Variants in BCL11A observed in about 807,000 individuals in gnomAD.
The protein encoded by BCL11A is B cell CLL/lymphoma 11A.
A neutral mutation model predicts 55.9 loss-of-function variants in BCL11A; 2 were observed. That is an observed-to-expected ratio of 0.04 (90% CI 0.01 to 0.11). BCL11A has a LOEUF of 0.11. Ranked by LOEUF, BCL11A falls within the 10% of genes least tolerant of loss-of-function variation. BCL11A has a pLI of 1.00. For missense variants in BCL11A, 817 were observed against 1,137.1 expected, an observed-to-expected ratio of 0.72 and a Z score of 4.05; for synonymous variants, 465 against 473.4, an observed-to-expected ratio of 0.98 and a Z score of 0.23.
rs550693182 is a variant in BCL11A, at chr2:60,457,954, T to C, written c.*2450A>G. On this transcript the variant is annotated 3_prime_UTR_variant, in exon 4 of 4. Transcript: ENST00000642384. Reference sequence around the variant, plus strand: ...ATGTCACACTTTTTTGTTTCTCTCTTTTTTTTTTTTTTGAAGCATACAAAT... The same window carrying C: ...ATGTCACACTTTTTTGTTTCTCTCTCTTTTTTTTTTTTGAAGCATACAAAT... The C allele has an allele frequency of 5.0e-4, 290 of 574,808 alleles. No individual in the cohort carries two copies. The Middle Eastern group carries it at 5.9e-3, about 12-fold the overall frequency. The allele number at this position is 574,808 out of a possible 1,614,324, so 35.6% of individuals were successfully genotyped here. A position where few individuals can be genotyped will look rare whatever the true frequency, so the allele number is the denominator to read the frequency against.
chr2:60,461,900 G>T lies in BCL11A; in HGVS notation c.1012C>A (p.Pro338Thr). 2 of 1,614,158 alleles carry T rather than the reference G, an allele frequency of 1.2e-6. No homozygotes were observed. The highest frequency in any genetic ancestry group is 1.7e-6 in the Non-Finnish European group (2 of 1,180,006). Reference sequence around the variant, plus strand: ...AATGGTTGCAGTAACCTTTGCATAGGGCTGGGCCGGCCTGGGGACAGCGGT... The same window carrying T: ...AATGGTTGCAGTAACCTTTGCATAGTGCTGGGCCGGCCTGGGGACAGCGGT... Reference protein sequence around the residue: ...SPPLSPGRPSPMQRLLQPFQP... With the variant: ...SPPLSPGRPSTMQRLLQPFQP... The change falls in exon 4 of 4, where the codon CCT becomes ACT. Residue 338 changes from proline (P) to threonine (T), a missense_variant. Physicochemically the swap from Pro to Thr is conservative, Grantham distance 38 (BLOSUM62 -1). Coordinates refer to ENST00000642384, the MANE Select transcript of BCL11A (RefSeq NM_022893.4).
chr2:60,485,688 G>A (rs915779980), intron 2 of BCL11A, among the ~76,000 whole-genome samples: 3 of 152,186 alleles, frequency 2.0e-5, no homozygotes, highest in Non-Finnish European at 4.4e-5. Flanking sequence ...TTGCTATTCT[G>A]GGGTGAGAAG....
At position 60,457,965 on chromosome 2, in the gene BCL11A, TTG is replaced by T; in HGVS notation, c.*2437_*2438del. Reference sequence around the variant, plus strand: ...TTTTGTTTCTCTCTTTTTTTTTTTTTTGAAGCATACAAATAATTTGCACTATA... The same window carrying T: ...TTTTGTTTCTCTCTTTTTTTTTTTTTAAGCATACAAATAATTTGCACTATA... On this transcript the variant is annotated 3_prime_UTR_variant, in exon 4 of 4. Coordinates refer to ENST00000642384, the MANE Select transcript of BCL11A (RefSeq NM_022893.4). 9.6e-7 allele frequency: 1 copy of T among 1,037,748 alleles called. No individual in the cohort carries two copies. Among genetic ancestry groups the T allele is most frequent in the Non-Finnish European group, 1.2e-6 (1 of 861,376 alleles). 64.3% of individuals were successfully genotyped at this position (1,037,748 alleles called of 1,614,324 possible).
chr2:60,526,900 G>C (rs888424313), intron 2 of BCL11A: 1 of 152,190 alleles, frequency 6.6e-6, no homozygotes, highest in South Asian at 2.1e-4. Context: ...CACCAGGAAC[G>C]TTGTAAATTA....
intron 1 of BCL11A, chr2:60,551,062 T>G: frequency 2.5e-6 from 1 of 394,418 alleles, no homozygotes; most frequent in East Asian, 3.6e-5. Flanking sequence ...AAAAATTAAA[T>G]TCCCTGTGCG....
intron 2 of BCL11A, among the ~76,000 whole-genome samples, chr2:60,475,253 G>A (rs765221909): frequency 8.5e-5 from 13 of 152,198 alleles, no homozygotes; most frequent in Non-Finnish European, 1.8e-4. Flanking sequence ...GCTTTCACAA[G>A]TGCGTATTTT....
chr2:60,507,385 GGGAA>G (rs1244447056), intron 2 of BCL11A, among the ~76,000 whole-genome samples: 1 of 133,326 alleles, frequency 7.5e-6, no homozygotes, highest in Non-Finnish European at 1.6e-5. Context: ...AAGGGAGGGA[GGGAA>G]GGAGGGCCCT....
chr2:60,542,105 T>C (rs1669948721), intron 2 of BCL11A: 2 of 441,544 alleles, frequency 4.5e-6, no homozygotes, highest in Non-Finnish European at 8.2e-6. Flanking sequence ...CCAGCTATAC[T>C]GTCTAGGCAA....
intron 2 of BCL11A, among the ~76,000 whole-genome samples, chr2:60,502,318 C>A (rs1010265112): frequency 6.6e-6 from 1 of 152,180 alleles, no homozygotes; most frequent in Non-Finnish European, 1.5e-5. Flanking sequence ...ACAGTGTGAA[C>A]GTGTCAGCTC....
chr2:60,537,187 A>G (rs1305856885), intron 2 of BCL11A: 2 of 152,104 alleles, frequency 1.3e-5, no homozygotes. Context: ...TAACATAACA[A>G]AAACATAACA....
At chr2:60,548,148 T>G (rs944278836) in intron 1 of BCL11A, among the ~76,000 whole-genome samples, 4 of 152,246 alleles carry the variant, frequency 2.6e-5, no homozygotes, top group Admixed American at 2.6e-4. Flanking sequence ...TCTCAAAATA[T>G]TCCTGTTGTC....
chr2:60,521,127 A>T (rs1668972957), intron 2 of BCL11A, among the ~76,000 whole-genome samples: 1 of 151,842 alleles, frequency 6.6e-6, no homozygotes, highest in African/African-American at 2.4e-5. Context: ...ACACACACTC[A>T]CACAAATCCT....
Position 60,461,828 on chromosome 2 carries a change from G to A in BCL11A, c.1084C>T (p.Pro362Ser), listed in dbSNP as rs1184263756. ...GAGGGAGGAGGGGCGGATTGCAGAG[G>A]AGGGAGGGGGGGCGTCGCCAGGAAG... ...PPFLATPPLP[P>S]LQSAPPPSQP... The change falls in exon 4 of 4, where the codon CCT becomes TCT. Residue 362 changes from proline (P) to serine (S), a missense_variant. By Grantham distance (74) the Pro-to-Ser change is moderately conservative (BLOSUM62 -1). Around this residue, in one of 4 missense-constraint regions of BCL11A, gnomAD observed 363 missense variants for 486.6 expected, o/e 0.75. Coordinates refer to ENST00000642384, the MANE Select transcript of BCL11A (RefSeq NM_022893.4). 3 of 1,607,500 alleles carry A rather than the reference G, an allele frequency of 1.9e-6. No individual in the cohort carries two copies. Among genetic ancestry groups the A allele is most frequent in the East Asian group, 4.5e-5 (2 of 44,778 alleles).
chr2:60,452,671 A>G (rs1387471844), downstream of BCL11A: 5 of 1,610,436 alleles, frequency 3.1e-6, no homozygotes, highest in Non-Finnish European at 3.4e-6. Context: ...AAGAACCTAG[A>G]AAGAGGTTGG....
At position 60,553,309 on chromosome 2, in the gene BCL11A, G is replaced by GCGGCGA; in HGVS notation, c.-40_-39insTCGCCG. 1 of 1,528,442 alleles carries GCGGCGA rather than the reference G, an allele frequency of 6.5e-7. No homozygotes were observed. Among genetic ancestry groups the GCGGCGA allele is most frequent in the Non-Finnish European group, 8.7e-7 (1 of 1,145,512 alleles). The allele number at this position is 1,528,442 out of a possible 1,614,324, so 94.7% of individuals were successfully genotyped here. A position where few individuals can be genotyped will look rare whatever the true frequency, so the allele number is the denominator to read the frequency against. ...GCGGGCGGCGGCGGCGGCGGCGGCG[G>GCGGCGA]CGGCGGGCGGACGACGGCTCGGTTC... On this transcript the variant is annotated 5_prime_UTR_variant, in exon 1 of 4. Transcript: ENST00000642384.
chr2:60,459,887 A>G lies in BCL11A; in HGVS notation c.*517T>C, dbSNP rs1676137646. On this transcript the variant is annotated 3_prime_UTR_variant, in exon 4 of 4. Transcript: ENST00000642384. ...GTTTTTCCTCCTCACGTTATAAAAT[A>G]AAACTGTACATGATATGTATTACAG... 2.9e-6 allele frequency: 3 copies of G among 1,051,118 alleles called. No homozygotes were observed. Among genetic ancestry groups the G allele is most frequent in the African/African-American group, 3.3e-5 (2 of 60,446 alleles). 65.1% of individuals were successfully genotyped at this position (1,051,118 alleles called of 1,614,324 possible).
intron 2 of BCL11A, among the ~76,000 whole-genome samples, chr2:60,479,304 G>A (rs1473894474): frequency 6.6e-6 from 1 of 152,222 alleles, no homozygotes; most frequent in Non-Finnish European, 1.5e-5. Flanking sequence ...TGCGGGCACA[G>A]CGGCCACACA....
intron 2 of BCL11A, among the ~76,000 whole-genome samples, chr2:60,474,531 C>T (rs929884191): frequency 2.0e-5 from 3 of 152,216 alleles, no homozygotes; most frequent in Admixed American, 6.5e-5. Flanking sequence ...AGTATTTTCA[C>T]TTGATCGTGA....
chr2:60,537,157 C>T (rs1669703428), intron 2 of BCL11A: 1 of 145,338 alleles, frequency 6.9e-6, no homozygotes, highest in Non-Finnish European at 1.5e-5. Flanking sequence ...TAAATTTTTC[C>T]TTATTGATTT....
Sources: allele counts gnomAD v4.1 joint callset (sites outside exome capture counted in the v4.1 genomes callset), GRCh38; gene constraint gnomAD v4.1.1; regional missense constraint gnomAD v4.1.1; transcripts MANE v1.5; gene names NCBI Gene and HGNC (gene_info 2026-07-23, HGNC 2026-07-21).